Variants in SREK1 observed in about 807,000 individuals in gnomAD.
SREK1 encodes the protein splicing regulatory glutamine/lysine-rich protein 1.
In SREK1, 13 loss-of-function variants were observed where a neutral mutation model predicts 66.5. The observed-to-expected ratio is 0.20, with a 90% CI of 0.13 to 0.31. SREK1 has a LOEUF of 0.31. Ranked by LOEUF, SREK1 falls within the 10% of genes least tolerant of loss-of-function variation. The pLI is 1.00. For synonymous variants in SREK1, 265 were observed against 263.5 expected (o/e 1.01, Z -0.05); for missense variants, 607 against 769.6 (o/e 0.79, Z 2.50).
chr5:66,169,982 G>A, intron 7 of SREK1, 69 bp from the exon 8 acceptor site: 1 of 1,308,428 alleles, frequency 7.6e-7, no homozygotes. Context: ...TGTTAGGATA[G>A]ATTTTAAATT....
At chr5:66,168,908 C>T (rs1362347870) in intron 7 of SREK1, 1 of 152,118 alleles carries the variant, frequency 6.6e-6, no homozygotes, top group African/African-American at 2.4e-5. Flanking sequence ...TTACATACAT[C>T]ATCAGTTGTA....
At chr5:66,167,874 G>A (rs1178006976) in intron 7 of SREK1, 5 of 152,176 alleles carry the variant, frequency 3.3e-5, no homozygotes, top group Non-Finnish European at 7.4e-5. Context: ...TATTAAGTAT[G>A]TAGAAGCAAA....
intron 10 of SREK1, 49 bp downstream of exon 10, chr5:66,175,090 T>C (rs373214541): frequency 2.8e-6 from 4 of 1,418,850 alleles, no homozygotes; most frequent in Admixed American, 2.4e-5. Flanking sequence ...GCAATAAATA[T>C]TTTTTGAAAT....
rs1035572790 is a variant in SREK1, at chr5:66,179,082, C to T, written c.*214C>T. ...AATAACAGATGTTACCCAAACTCAT[C>T]TTCTAAAATCTGTGCATTTCCATGG... On this transcript the variant is annotated 3_prime_UTR_variant, in exon 12 of 12. Transcript: ENST00000334121. 1.0e-5 allele frequency: 4 copies of T among 392,212 alleles called. No individual in the cohort carries two copies. Among genetic ancestry groups the T allele is most frequent in the African/African-American group, 8.1e-5 (4 of 49,088 alleles). The allele number at this position is 392,212 out of a possible 1,614,324, so 24.3% of individuals were successfully genotyped here. A position where few individuals can be genotyped will look rare whatever the true frequency, so the allele number is the denominator to read the frequency against.
chr5:66,181,723 T>C lies in SREK1; in HGVS notation c.*2855T>C, dbSNP rs1746502007. The stretch of plus-strand genomic sequence containing the variant: ...TGCAGTTATCATCTTAGTTATTTTC[T>C]ATCTAATTAGCTTATAATTGCAAAC... On this transcript the variant is annotated 3_prime_UTR_variant, in exon 12 of 12. Transcript: ENST00000334121. 2.0e-5 allele frequency: 3 copies of C among 152,324 alleles called. No homozygotes were observed. In the South Asian group the frequency reaches 6.2e-4, roughly 32 times the overall value. 9.4% of individuals were successfully genotyped at this position (152,324 alleles called of 1,614,324 possible).
chr5:66,170,210 A>C, intron 8 of SREK1, 40 bp downstream of exon 8: 1 of 1,592,444 alleles, frequency 6.3e-7, no homozygotes. Context: ...TTTTTTCCTC[A>C]GAGTTCTGTT....
Position 66,144,359 on chromosome 5 carries a change from A to C in SREK1, c.-18A>C, listed in dbSNP as rs763767457. 6.5e-7 allele frequency: 1 copy of C among 1,527,260 alleles called. No individual in the cohort carries two copies. The highest frequency in any genetic ancestry group is 1.4e-5 in the African/African-American group (1 of 72,010). The allele number at this position is 1,527,260 out of a possible 1,614,324, so 94.6% of individuals were successfully genotyped here. On this transcript the variant is annotated 5_prime_UTR_variant, in exon 1 of 12. Transcript: ENST00000334121. ...CGTAGACGTTGGGGAGCGGGAAGGCAACGGCAGCGGGATCGGGATGAACAG... is the reference window on the plus strand; with the variant it reads ...CGTAGACGTTGGGGAGCGGGAAGGCCACGGCAGCGGGATCGGGATGAACAG...
chr5:66,171,036 C>A, intron 9 of SREK1, 89 bp downstream of exon 9: 2 of 1,453,220 alleles, frequency 1.4e-6, no homozygotes, highest in East Asian at 2.3e-5. Flanking sequence ...GGTTACTGTA[C>A]GCAAGTGGAA....
intron 2 of SREK1, chr5:66,155,965 T>C (rs1744254528): frequency 1.3e-6 from 2 of 1,497,698 alleles, no homozygotes; most frequent in Non-Finnish European, 1.8e-6. Flanking sequence ...GTCAGCCTAA[T>C]CATCAGTCAT....
chr5:66,174,784 A>G (rs1745918029), intron 9 of SREK1, 162 bp from the exon 10 acceptor site: 1 of 528,496 alleles, frequency 1.9e-6, no homozygotes, highest in Admixed American at 3.6e-5. Context: ...GACCCACTCT[A>G]AAGTTAGGTA....
At chr5:66,145,677 A>G (rs898117252) in intron 1 of SREK1, among the ~76,000 whole-genome samples, 2 of 151,554 alleles carry the variant, frequency 1.3e-5, no homozygotes, top group African/African-American at 4.9e-5. Context: ...TACATTGAAC[A>G]TCCATGTTCC....
In SREK1 at chr5:66,181,092, AATT is replaced by A. The variant is rs1746448250; in HGVS notation, c.*2228_*2230del. The stretch of plus-strand genomic sequence containing the variant: ...AACATTTAATTTGGTTCTTGCTGCT[AATT>A]ATTTTCTCTGCTGATATTTATTAAG... On this transcript the variant is annotated 3_prime_UTR_variant, in exon 12 of 12. Transcript: ENST00000334121. 1 of 152,202 alleles carries A rather than the reference AATT, an allele frequency of 6.6e-6. No homozygotes were observed. Among genetic ancestry groups the A allele is most frequent in the Admixed American group, 6.5e-5 (1 of 15,268 alleles). 9.4% of individuals were successfully genotyped at this position (152,202 alleles called of 1,614,324 possible).
rs141357075 is a variant in SREK1, at chr5:66,177,934, G to A, written c.1725+276G>A. Among the ~76,000 whole-genome samples, 651 of 152,176 alleles carry A rather than the reference G, an allele frequency of 4.3e-3. 4 individuals carry two copies. Among genetic ancestry groups the A allele is most frequent in the African/African-American group, 0.014 (599 of 41,548 alleles). ...CAGTAACAAATGTATTTGATTTTAT[G>A]TAGATAGGATTTCTGCCTGATGCCA... On this transcript the variant is annotated intron_variant, in intron 11 of 11. Transcript: ENST00000334121.
intron 2 of SREK1, chr5:66,157,174 ATAG>A (rs1744357388): frequency 2.1e-6 from 2 of 961,446 alleles, no homozygotes; most frequent in East Asian, 1.1e-4. Context: ...TTATACATTT[ATAG>A]TAGTATACTA....
At chr5:66,167,821 T>C (rs1745297425) in intron 7 of SREK1, 1 of 152,214 alleles carries the variant, frequency 6.6e-6, no homozygotes, top group Non-Finnish European at 1.5e-5. Flanking sequence ...ATTATATTTT[T>C]AGCAAGGACA....
chr5:66,163,541 T>G (rs1278385238), intron 5 of SREK1: 1 of 316,638 alleles, frequency 3.2e-6, no homozygotes, highest in Non-Finnish European at 5.9e-6. Flanking sequence ...TCATCTAGTC[T>G]GTTTGAATTA....
rs1219829681 is a variant in SREK1 at position 66,182,955 on chromosome 5, T to C, written c.*4087T>C. The C allele has an allele frequency of 1.3e-5, 2 of 152,250 alleles. No individual in the cohort carries two copies. The highest frequency in any genetic ancestry group is 2.4e-5 in the African/African-American group (1 of 41,474). 9.4% of individuals were successfully genotyped at this position (152,250 alleles called of 1,614,324 possible). A position where few individuals can be genotyped will look rare whatever the true frequency, so the allele number is the denominator to read the frequency against. Reference sequence around the variant, plus strand: ...ATTTAGTAACTAATAACTAGCTTTCTTCCATTCTAAGGTACTTTTATAGTT... The same window carrying C: ...ATTTAGTAACTAATAACTAGCTTTCCTCCATTCTAAGGTACTTTTATAGTT... On this transcript the variant is annotated 3_prime_UTR_variant, in exon 12 of 12. Transcript: ENST00000334121.
intron 7 of SREK1, chr5:66,166,303 T>TTGTAAGAGAGAGCTAA (rs1274636880): frequency 1.3e-5 from 2 of 152,138 alleles, no homozygotes; most frequent in African/African-American, 4.8e-5. Flanking sequence ...ATTGTGTTGA[T>TTGTAAGAGAGAGCTAA]TGTAAGAGAG....
intron 6 of SREK1, chr5:66,164,188 C>G (rs1304098425): frequency 1.7e-5 from 6 of 355,806 alleles, no homozygotes; most frequent in Admixed American, 9.0e-5. Flanking sequence ...AAGTGATTTG[C>G]TGAAAGCAAA....
Sources: gnomAD v4.1 joint callset for allele counts (sites outside exome capture counted in the v4.1 genomes callset) on GRCh38, gnomAD v4.1.1 for gene constraint, MANE v1.5 for transcripts, NCBI Gene and HGNC (gene_info 2026-07-23, HGNC 2026-07-21) for gene names.